Variants in ELAVL1 observed in about 807,000 individuals in gnomAD.
ELAVL1 encodes the protein ELAV-like protein 1.
Under a neutral mutation model 28.4 loss-of-function variants are expected in ELAVL1, and 1 was observed. The observed-to-expected ratio is 0.04, with a 90% CI of 0.01 to 0.17. The LOEUF (loss-of-function observed/expected upper bound fraction) is 0.17, where lower values mean the gene tolerates loss of function less well. Ranked by LOEUF, ELAVL1 falls within the 10% of genes least tolerant of loss-of-function variation. The pLI, the probability that ELAVL1 is intolerant of heterozygous loss-of-function variation, is 1.00. For missense variants in ELAVL1, 157 were observed against 447.2 expected (o/e 0.35, Z 5.85); for synonymous variants, 174 against 183.5 (o/e 0.95, Z 0.42).
intron 4 of ELAVL1, among the ~76,000 whole-genome samples, chr19:7,971,802 G>C (rs1025748625): frequency 2.0e-5 from 3 of 152,226 alleles, no homozygotes; most frequent in African/African-American, 7.2e-5. Context: ...GCAGCGGCAG[G>C]GCCAGTGCAT....
In ELAVL1 at chr19:8,005,597, T is replaced by TGGCGGCGACGGCGACGGC. The variant is rs1555714047; in HGVS notation, c.-137_-120dup. On this transcript the variant is annotated 5_prime_UTR_variant, in exon 1 of 6. Coordinates refer to ENST00000407627, the MANE Select transcript of ELAVL1 (RefSeq NM_001419.3). ...TCGGCCTCGGTAGCGGTGGCGGCGGTGGCGGCGACGGCGACGGCGGCAGCG... is the reference window on the plus strand; with the variant it reads ...TCGGCCTCGGTAGCGGTGGCGGCGGTGGCGGCGACGGCGACGGCGGCGGCGACGGCGACGGCGGCAGCG... 5 of 147,774 alleles carry TGGCGGCGACGGCGACGGC rather than the reference T, an allele frequency of 3.4e-5. No individual in the cohort carries two copies. In the Admixed American group the frequency reaches 3.4e-4, roughly 10 times the overall value. The allele number at this position is 147,774 out of a possible 1,614,324, so 9.2% of individuals were successfully genotyped here.
chr19:7,977,114 G>C (rs1156870386), intron 3 of ELAVL1, among the ~76,000 whole-genome samples: 2 of 152,218 alleles, frequency 1.3e-5, no homozygotes, highest in Non-Finnish European at 2.9e-5. Flanking sequence ...GGGGACCGCT[G>C]CTGCGTGAGT....
At chr19:7,965,432 C>T (rs1984932637) in intron 5 of ELAVL1, among the ~76,000 whole-genome samples, 1 of 152,150 alleles carries the variant, frequency 6.6e-6, no homozygotes, top group Admixed American at 6.5e-5. Context: ...CTGGTCTTGA[C>T]AGTCATAAAT....
intron 3 of ELAVL1, among the ~76,000 whole-genome samples, chr19:7,976,305 G>C (rs1424369213): frequency 6.6e-6 from 1 of 151,762 alleles, no homozygotes; most frequent in Non-Finnish European, 1.5e-5. Flanking sequence ...GGGAGGCTGA[G>C]GCAGGAGAAT....
At chr19:7,998,898 T>C (rs1372846233) in intron 1 of ELAVL1, among the ~76,000 whole-genome samples, 1 of 152,162 alleles carries the variant, frequency 6.6e-6, no homozygotes, top group African/African-American at 2.4e-5. Flanking sequence ...CTGCCTCAGT[T>C]TCCCAAGTAG....
intron 3 of ELAVL1, among the ~76,000 whole-genome samples, chr19:7,976,834 C>T (rs536205015): frequency 1.1e-4 from 16 of 151,074 alleles, no homozygotes; most frequent in African/African-American, 2.4e-4. Context: ...TGACCTGACA[C>T]GCTACATTTT....
chr19:8,001,965 T>C lies in ELAVL1; in HGVS notation c.-17+3530A>G, dbSNP rs2081069486. 1.2e-4 allele frequency: 133 copies of C among 1,113,240 alleles called. 1 individual carries two copies. The South Asian group carries it at 1.6e-3, about 14-fold the overall frequency. The allele number at this position is 1,113,240 out of a possible 1,614,324, so 69.0% of individuals were successfully genotyped here. On this transcript the variant is annotated intron_variant, in intron 1 of 5. Transcript: ENST00000407627. Reference sequence around the variant, plus strand: ...GGGCCACCTCAGTACTGCAACAGCCTGTGACTGGTTTCTCCTTGTCTCCCC... The same window carrying C: ...GGGCCACCTCAGTACTGCAACAGCCCGTGACTGGTTTCTCCTTGTCTCCCC...
intron 3 of ELAVL1, among the ~76,000 whole-genome samples, chr19:7,975,544 AC>A (rs2145208164): frequency 6.6e-6 from 1 of 152,298 alleles, no homozygotes; most frequent in East Asian, 1.9e-4. Flanking sequence ...CTCGGCCAGA[AC>A]CCTCTTTCCT....
Position 7,976,858 on chromosome 19 carries a change from T to C in ELAVL1, c.277-2980A>G, listed in dbSNP as rs553453759. 5.4e-5 allele frequency among the ~76,000 whole-genome samples: 8 copies of C among 148,694 alleles called. No individual in the cohort carries two copies. In the East Asian group the frequency reaches 1.2e-3, roughly 22 times the overall value. ...ACGCTACATTTTTTTTTTTTTTTTT[T>C]AGTTTTTTTTGTAGAGACAGGGTCT... is the stretch of plus-strand genomic sequence containing the variant. On this transcript the variant is annotated intron_variant, in intron 3 of 5. Coordinates refer to ENST00000407627, the MANE Select transcript of ELAVL1 (RefSeq NM_001419.3).
chr19:7,973,943 T>C, intron 3 of ELAVL1, 65 bp from the exon 4 acceptor site: 1 of 1,582,706 alleles, frequency 6.3e-7, no homozygotes, highest in Non-Finnish European at 8.6e-7. Flanking sequence ...AGGAGGGTGT[T>C]GAATGCTGGG....
rs889986597 is a variant in ELAVL1 at position 7,960,551 on chromosome 19, G to A, written c.*2932C>T. ...ACGAAATAATGGCAGAGCCAAGGGG[G>A]AACAAGGGAGAATTCATCAGGAAGC... is the stretch of plus-strand genomic sequence containing the variant. On this transcript the variant is annotated 3_prime_UTR_variant, in exon 6 of 6. Transcript: ENST00000407627. 2 of 152,518 alleles carry A rather than the reference G, an allele frequency of 1.3e-5. No individual in the cohort carries two copies. The highest frequency in any genetic ancestry group is 4.8e-5 in the African/African-American group (2 of 41,426). The allele number at this position is 152,518 out of a possible 1,614,324, so 9.4% of individuals were successfully genotyped here. A position where few individuals can be genotyped will look rare whatever the true frequency, so the allele number is the denominator to read the frequency against.
In ELAVL1 at chr19:7,959,389, C is replaced by G. The variant is rs1984743377; in HGVS notation, c.*4094G>C. 1 of 152,524 alleles carries G rather than the reference C, an allele frequency of 6.6e-6. No individual in the cohort carries two copies. Among genetic ancestry groups the G allele is most frequent in the Non-Finnish European group, 1.5e-5 (1 of 68,030 alleles). 9.4% of individuals were successfully genotyped at this position (152,524 alleles called of 1,614,324 possible). A position where few individuals can be genotyped will look rare whatever the true frequency, so the allele number is the denominator to read the frequency against. ...TCGGTTAAGAGAGCCTCCCCTCCCC[C>G]AAAGCAAGTCACTGTAAACGGAACA... On this transcript the variant is annotated 3_prime_UTR_variant, in exon 6 of 6. Transcript: ENST00000407627.
At chr19:8,001,648 T>TA (rs35307707) in intron 1 of ELAVL1, among the ~76,000 whole-genome samples, 30,635 of 151,514 alleles carry the variant, frequency 0.2, 3,823 homozygotes, top group East Asian at 0.48. Flanking sequence ...TTTTTTTTTT[T>TA]AGAGATGGGA....
chr19:8,005,251 G>A (rs2081083189), intron 1 of ELAVL1, among the ~76,000 whole-genome samples: 1 of 151,746 alleles, frequency 6.6e-6, no homozygotes, highest in Admixed American at 6.6e-5. Context: ...TGCCCACGCC[G>A]TATCCCCCTC....
chr19:7,980,113 C>G (rs1985414068), intron 3 of ELAVL1, among the ~76,000 whole-genome samples: 1 of 152,236 alleles, frequency 6.6e-6, no homozygotes, highest in South Asian at 2.1e-4. Flanking sequence ...AAGGCTCACA[C>G]AGGACCACCT....
At chr19:7,988,342 G>T (rs1161214634) in intron 2 of ELAVL1, among the ~76,000 whole-genome samples, 1 of 152,170 alleles carries the variant, frequency 6.6e-6, no homozygotes, top group Admixed American at 6.5e-5. Context: ...AGGGCAGCTG[G>T]GAGCCATGAG....
rs572104303 is a variant in ELAVL1, at chr19:7,986,582, G to A, written c.172+5062C>T. ...AGCGTCCCCTAGAGAGCGAGTTAGC[G>A]ACAGGGACCAAGAGCCTTTAAAAGG... On this transcript the variant is annotated intron_variant, in intron 2 of 5. Transcript: ENST00000407627. Among the ~76,000 whole-genome samples the A allele has an allele frequency of 4.0e-3, 611 of 152,310 alleles. 2 individuals are homozygous for A. Among genetic ancestry groups the A allele is most frequent in the African/African-American group, 0.014 (565 of 41,558 alleles).
rs71165249 is a variant in ELAVL1, at chr19:8,003,381, G to GAA, written c.-17+2112_-17+2113dup. Among the ~76,000 whole-genome samples the GAA allele has an allele frequency of 5.6e-5, 5 of 88,768 alleles. No homozygotes were observed. The East Asian group carries it at 1.1e-3, about 20-fold the overall frequency. 58.2% of individuals were successfully genotyped at this position (88,768 alleles called of 152,430 possible). On this transcript the variant is annotated intron_variant, in intron 1 of 5. Coordinates refer to ENST00000407627, the MANE Select transcript of ELAVL1 (RefSeq NM_001419.3). ...AAAAAAAAAAAAAAAAAAAGAAAAA[G>GAA]AAAAAAAAAAAAAAAGAAATAGCAC...
At chr19:8,003,194 C>T (rs532279866) in intron 1 of ELAVL1, among the ~76,000 whole-genome samples, 1 of 148,104 alleles carries the variant, frequency 6.8e-6, no homozygotes, top group East Asian at 2.0e-4. Context: ...TCGAGACCAG[C>T]CTGCTCAACA....
Sources: allele counts gnomAD v4.1 joint callset (sites outside exome capture counted in the v4.1 genomes callset), GRCh38; gene constraint gnomAD v4.1.1; transcripts MANE v1.5; gene names NCBI Gene and HGNC (gene_info 2026-07-23, HGNC 2026-07-21).